The following SOX6 variants were observed in gnomAD, a reference collection of about 807,000 sequenced individuals.
The protein encoded by SOX6 is SRY-box transcription factor 6, also known as transcription factor SOX-6.
A neutral mutation model predicts 97.8 loss-of-function variants in SOX6; 11 were observed. The observed-to-expected ratio is 0.11, with a 90% CI of 0.07 to 0.19. The LOEUF is 0.19. SOX6 is among the 10% of genes least tolerant of loss of function. The pLI, the probability that SOX6 is intolerant of heterozygous loss-of-function variation, is 1.00. For synonymous variants in SOX6, 360 were observed against 371.4 expected (o/e 0.97, Z 0.35); for missense variants, 810 against 1,039.5 (o/e 0.78, Z 3.04).
chr11:16,366,510 G>C (rs1203048952), intron 1 of SOX6, among the ~76,000 whole-genome samples: 1 of 152,068 alleles, frequency 6.6e-6, no homozygotes, highest in East Asian at 1.9e-4. Context: ...CAGATATTGA[G>C]AAAGGCTTAA....
chr11:16,660,922 T>G (rs1342088007), intron 3 of SOX6, among the ~76,000 whole-genome samples: 3 of 152,218 alleles, frequency 2.0e-5, no homozygotes, highest in Middle Eastern at 3.2e-3. Context: ...GGTATTTTTG[T>G]TACAGCAGCT....
chr11:16,738,412 G>A (rs1399858907), intron 1 of SOX6: 1 of 290,126 alleles, frequency 3.4e-6, no homozygotes, highest in Non-Finnish European at 6.7e-6. Context: ...CAAAGCTCTC[G>A]GCCAACGCTC....
rs201386771 is a variant in SOX6, at chr11:16,482,786, GCA to G, written n.610-6400_610-6399del. Reference sequence around the variant, plus strand: ...TGCCTTATACATACTTCACATTTCAGCACACAGAGTATTAAAGAAGGGTCAAG... The same window carrying G: ...TGCCTTATACATACTTCACATTTCAGCACAGAGTATTAAAGAAGGGTCAAG... On this transcript the variant is annotated intron_variant and non_coding_transcript_variant, in intron 4 of 5. Transcript: ENST00000524520. Among the ~76,000 whole-genome samples, 1,007 of 152,176 alleles carry G rather than the reference GCA, an allele frequency of 6.6e-3. 4 individuals carry two copies. Among genetic ancestry groups the G allele is most frequent in the African/African-American group, 0.022 (908 of 41,516 alleles).
chr11:16,466,226 GC>G (rs1432184721), intron 1 of SOX6, among the ~76,000 whole-genome samples: 5 of 152,000 alleles, frequency 3.3e-5, no homozygotes, highest in African/African-American at 9.7e-5. Flanking sequence ...TTTGGAGCTA[GC>G]AAAAATTTGG....
At chr11:16,030,127 T>C (rs1177998594) in intron 12 of SOX6, among the ~76,000 whole-genome samples, 2 of 152,212 alleles carry the variant, frequency 1.3e-5, no homozygotes, top group South Asian at 2.1e-4. Flanking sequence ...TTGTACATTG[T>C]GTTCTCTAAT....
At chr11:16,355,984 TAAC>T (rs1857062743) in intron 1 of SOX6, among the ~76,000 whole-genome samples, 107 bp downstream of exon 1, 1 of 152,078 alleles carries the variant, frequency 6.6e-6, no homozygotes, top group Admixed American at 6.6e-5. Flanking sequence ...AAGCTTTTCT[TAAC>T]AAGCCATCAT....
Position 16,504,286 on chromosome 11 carries a change from G to A in SOX6, n.610-27898C>T, listed in dbSNP as rs1394158048. Among the ~76,000 whole-genome samples the A allele has an allele frequency of 2.0e-5, 3 of 151,936 alleles. No individual in the cohort carries two copies. In the East Asian group the frequency reaches 5.8e-4, roughly 29 times the overall value. ...AAAGGAATAAAAGGCATACAAATTG[G>A]AAAAGAAGTCAAATTGTCCCTCTTT... On this transcript the variant is annotated intron_variant and non_coding_transcript_variant, in intron 4 of 5. Coordinates refer to the SOX6 transcript ENST00000524520.
chr11:16,061,301 T>C (rs1312431342), intron 9 of SOX6, among the ~76,000 whole-genome samples: 3 of 58,042 alleles, frequency 5.2e-5, no homozygotes, highest in African/African-American at 1.7e-4. Context: ...TTACAATAGC[T>C]ACAAAAAAAA....
At chr11:16,312,424 T>C (rs1041725340) in intron 3 of SOX6, 1 of 152,208 alleles carries the variant, frequency 6.6e-6, no homozygotes, top group Non-Finnish European at 1.5e-5. Flanking sequence ...GCCCTCGGCC[T>C]AGGATCATAT....
chr11:16,712,719 C>T (rs1443947860), intron 3 of SOX6, among the ~76,000 whole-genome samples: 1 of 152,182 alleles, frequency 6.6e-6, no homozygotes, highest in Non-Finnish European at 1.5e-5. Flanking sequence ...CCACACCATA[C>T]TGTCACAGTC....
intron 4 of SOX6, among the ~76,000 whole-genome samples, chr11:16,584,892 C>A (rs983035484): frequency 2.6e-5 from 4 of 152,204 alleles, no homozygotes; most frequent in Non-Finnish European, 4.4e-5. Flanking sequence ...GGTCAAGCAT[C>A]CTGTTTGTTT....
chr11:16,030,104 A>G (rs1478088486), intron 12 of SOX6, among the ~76,000 whole-genome samples: 1 of 152,176 alleles, frequency 6.6e-6, no homozygotes, highest in Non-Finnish European at 1.5e-5. Context: ...TGTCACTTAT[A>G]TAAGGCTTCA....
At chr11:16,602,847 C>T (rs1202235878) in intron 4 of SOX6, among the ~76,000 whole-genome samples, 2 of 152,042 alleles carry the variant, frequency 1.3e-5, no homozygotes, top group Non-Finnish European at 2.9e-5. Context: ...CATGGTGAAA[C>T]CTCATCTCCA....
chr11:16,015,152 T>TG, intron 12 of SOX6, 102 bp from the exon 13 acceptor site: 2 of 992,408 alleles, frequency 2.0e-6, no homozygotes, highest in Non-Finnish European at 3.1e-6. Flanking sequence ...AATTCAAAAA[T>TG]ATCATTTCTG....
intron 3 of SOX6, among the ~76,000 whole-genome samples, chr11:16,249,499 A>T (rs1565046875): frequency 2.6e-5 from 4 of 152,176 alleles, no homozygotes. Context: ...GTCTCTAGGA[A>T]GTTCCAAACT....
chr11:16,545,494 G>A (rs980193223), intron 4 of SOX6, among the ~76,000 whole-genome samples: 5 of 152,150 alleles, frequency 3.3e-5, no homozygotes, highest in Non-Finnish European at 7.4e-5. Context: ...CGAAGCCACA[G>A]ATAACATCAT....
At chr11:16,191,657 T>C (rs1851633385) in intron 4 of SOX6, among the ~76,000 whole-genome samples, 1 of 152,110 alleles carries the variant, frequency 6.6e-6, no homozygotes. Context: ...AATAGTCTTC[T>C]GCCCAGCTCC....
chr11:16,297,959 A>C (rs1855147129), intron 3 of SOX6, among the ~76,000 whole-genome samples: 1 of 152,134 alleles, frequency 6.6e-6, no homozygotes, highest in South Asian at 2.1e-4. Flanking sequence ...AAAATTCTGG[A>C]GTCTCTTTTT....
At chr11:16,089,746 C>G (rs2133965908) in intron 9 of SOX6, among the ~76,000 whole-genome samples, 2 of 152,192 alleles carry the variant, frequency 1.3e-5, no homozygotes, top group South Asian at 4.1e-4. Flanking sequence ...GCTTCTCAAT[C>G]TCTTTTAATT....
Sources: allele counts gnomAD v4.1 joint callset (sites outside exome capture counted in the v4.1 genomes callset), GRCh38; gene constraint gnomAD v4.1.1; transcripts MANE v1.5; gene names NCBI Gene and HGNC (gene_info 2026-07-23, HGNC 2026-07-21).